The following ASTN2 variants were observed in gnomAD, a reference collection of about 807,000 sequenced individuals.
ASTN2 encodes the protein astrotactin 2, also known as astrotactin-2.
ASTN2 carries 54 observed loss-of-function variants against 139.8 expected under a neutral mutation model. The ratio of observed to expected loss-of-function variants is 0.39; its 90% CI spans 0.31 to 0.48. The LOEUF (loss-of-function observed/expected upper bound fraction) is 0.48. ASTN2 is among the 20% of genes least tolerant of loss of function. ASTN2 has a pLI of 0.95. For missense variants in ASTN2, 1,565 were observed against 1,725.1 expected (o/e 0.91, Z 1.64); for synonymous variants, 756 against 719.5 (o/e 1.05, Z -0.81).
At chr9:117,093,736 C>G (rs1392186826) in intron 5 of ASTN2, among the ~76,000 whole-genome samples, 1 of 152,144 alleles carries the variant, frequency 6.6e-6, no homozygotes, top group Non-Finnish European at 1.5e-5. Context: ...GTTGCAGAAC[C>G]AAATTCACTC....
chr9:116,605,311 G>C (rs554797949), intron 19 of ASTN2, among the ~76,000 whole-genome samples: 21 of 152,210 alleles, frequency 1.4e-4, no homozygotes, highest in Non-Finnish European at 2.1e-4. Flanking sequence ...CGGGGCTAGT[G>C]GATAGGGCCT....
chr9:117,395,673 G>C (rs1244275870), intron 1 of ASTN2, among the ~76,000 whole-genome samples: 2 of 152,174 alleles, frequency 1.3e-5, no homozygotes, highest in African/African-American at 4.8e-5. Flanking sequence ...CAATAAGAAA[G>C]CTGGATGTGG....
intron 13 of ASTN2, among the ~76,000 whole-genome samples, chr9:116,755,334 A>G (rs1272912420): frequency 6.6e-6 from 1 of 152,172 alleles, no homozygotes; most frequent in African/African-American, 2.4e-5. Context: ...ATGTGTCTGT[A>G]TTCAGACATA....
intron 10 of ASTN2, among the ~76,000 whole-genome samples, chr9:116,911,728 C>T (rs1163720153): frequency 6.6e-6 from 1 of 152,092 alleles, no homozygotes; most frequent in Non-Finnish European, 1.5e-5. Context: ...CACGGTGAAA[C>T]CCCGTCCTAC....
chr9:117,382,426 T>G (rs1314860071), intron 1 of ASTN2, among the ~76,000 whole-genome samples: 1 of 152,226 alleles, frequency 6.6e-6, no homozygotes, highest in African/African-American at 2.4e-5. Flanking sequence ...TTTCTTTTTA[T>G]GCTCACAACA....
At chr9:116,930,846 G>A (rs545845476) in intron 10 of ASTN2, among the ~76,000 whole-genome samples, 21 of 151,302 alleles carry the variant, frequency 1.4e-4, no homozygotes, top group East Asian at 5.8e-4. Flanking sequence ...CACTTCCCCC[G>A]CCCCTCCATT....
chr9:116,454,710 T>C (rs1475292592), intron 20 of ASTN2, among the ~76,000 whole-genome samples: 1 of 152,058 alleles, frequency 6.6e-6, no homozygotes, highest in Non-Finnish European at 1.5e-5. Context: ...TATGCAGCCA[T>C]AAAAAAGGAT....
chr9:116,715,289 A>G (rs1828282515), intron 16 of ASTN2, among the ~76,000 whole-genome samples: 3 of 152,164 alleles, frequency 2.0e-5, no homozygotes. Context: ...TGGGAGACTG[A>G]GGCCCAGTGA....
chr9:116,839,474 A>G (rs1211816596), intron 11 of ASTN2, among the ~76,000 whole-genome samples: 1 of 151,380 alleles, frequency 6.6e-6, no homozygotes, highest in Non-Finnish European at 1.5e-5. Flanking sequence ...CATCATCCCC[A>G]AAGATCGTTC....
At chr9:117,168,828 T>C (rs915753632) in intron 3 of ASTN2, among the ~76,000 whole-genome samples, 1 of 152,196 alleles carries the variant, frequency 6.6e-6, no homozygotes, top group African/African-American at 2.4e-5. Flanking sequence ...TTAATGTTAT[T>C]GCAGTTTGTT....
At chr9:116,626,299 C>T (rs1856458043) in intron 17 of ASTN2, among the ~76,000 whole-genome samples, 1 of 151,322 alleles carries the variant, frequency 6.6e-6, no homozygotes, top group Admixed American at 6.6e-5. Context: ...AGCCACTGCA[C>T]CCAGCCAAGG....
chr9:117,273,030 A>G (rs993396069), intron 2 of ASTN2, among the ~76,000 whole-genome samples: 1 of 152,100 alleles, frequency 6.6e-6, no homozygotes, highest in Non-Finnish European at 1.5e-5. Flanking sequence ...CCTTTTTCAC[A>G]TCGCTGATAA....
At chr9:117,168,004 G>C (rs1277248702) in intron 3 of ASTN2, among the ~76,000 whole-genome samples, 1 of 152,126 alleles carries the variant, frequency 6.6e-6, no homozygotes, top group Admixed American at 6.6e-5. Context: ...TGGGCAGTAT[G>C]ATGGGGTAGA....
intron 13 of ASTN2, among the ~76,000 whole-genome samples, chr9:116,780,648 C>T (rs1167260601): frequency 1.3e-5 from 2 of 152,132 alleles, no homozygotes; most frequent in Non-Finnish European, 2.9e-5. Context: ...ACCTCATGAC[C>T]CTGGGCAAGC....
At chr9:116,681,208 C>T (rs1213169252) in intron 16 of ASTN2, among the ~76,000 whole-genome samples, 1 of 152,204 alleles carries the variant, frequency 6.6e-6, no homozygotes, top group East Asian at 1.9e-4. Flanking sequence ...ACAAAAATCA[C>T]AAGCATTCTT....
chr9:117,225,061 A>G (rs1832657756), intron 2 of ASTN2, among the ~76,000 whole-genome samples: 1 of 152,196 alleles, frequency 6.6e-6, no homozygotes. Flanking sequence ...CTGAGAGGCA[A>G]TGAAAGGAAG....
chr9:117,035,607 T>C (rs1369970743), intron 6 of ASTN2, among the ~76,000 whole-genome samples: 1 of 152,164 alleles, frequency 6.6e-6, no homozygotes, highest in Non-Finnish European at 1.5e-5. Context: ...CCAGTTTCTG[T>C]ATCTGCCAAA....
rs1861151047 is a variant in ASTN2 at position 116,701,120 on chromosome 9, A to ATCTT, written c.2806+24647_2806+24650dup. 2.4e-5 allele frequency: 4 copies of ATCTT among 167,080 alleles called. No individual in the cohort carries two copies. In the South Asian group the frequency reaches 8.3e-4, roughly 35 times the overall value. The allele number at this position is 167,080 out of a possible 1,614,324, so 10.3% of individuals were successfully genotyped here. A position where few individuals can be genotyped will look rare whatever the true frequency, so the allele number is the denominator to read the frequency against. Reference sequence around the variant, plus strand: ...GGGTTTGGTGTTTACTAAGTAATATATCTTACTCTAGGTGCAGGGCTGATG... The same window carrying ATCTT: ...GGGTTTGGTGTTTACTAAGTAATATATCTTTCTTACTCTAGGTGCAGGGCTGATG... On this transcript the variant is annotated intron_variant, in intron 16 of 22. Transcript: ENST00000313400.
intron 4 of ASTN2, among the ~76,000 whole-genome samples, chr9:117,103,549 C>T (rs763826052): frequency 3.9e-5 from 6 of 152,154 alleles, no homozygotes; most frequent in African/African-American, 1.4e-4. Flanking sequence ...TCTTCTTTTG[C>T]AATCTACCTT....
Sources: allele counts gnomAD v4.1 joint callset (sites outside exome capture counted in the v4.1 genomes callset), GRCh38; gene constraint gnomAD v4.1.1; transcripts MANE v1.5; gene names NCBI Gene and HGNC (gene_info 2026-07-23, HGNC 2026-07-21).